The following HCN2 variants were observed in gnomAD, a reference collection of about 807,000 sequenced individuals.
The protein encoded by HCN2 is potassium/sodium hyperpolarization-activated cyclic nucleotide-gated channel 2.
Under a neutral mutation model 52.3 loss-of-function variants are expected in HCN2, and 20 were observed. That is an observed-to-expected ratio of 0.38 (90% CI 0.27 to 0.56). HCN2 has a LOEUF of 0.56. Ranked by LOEUF, HCN2 falls within the 20% of genes least tolerant of loss-of-function variation. HCN2 has a pLI of 0.71. For synonymous variants in HCN2, 694 were observed against 537.0 expected (o/e 1.29, Z -4.04); for missense variants, 981 against 1,207.7 (o/e 0.81, Z 2.78).
intron 4 of HCN2, 144 bp downstream of exon 4, chr19:608,326 T>G: frequency 4.3e-6 from 3 of 704,536 alleles, no homozygotes; most frequent in Non-Finnish European, 4.7e-6. Flanking sequence ...AGGGAGGCCT[T>G]GCCCTGGGGT....
At chr19:614,154 G>A (rs1020283031) in intron 7 of HCN2, 138 bp downstream of exon 7, 13 of 644,980 alleles carry the variant, frequency 2.0e-5, no homozygotes, top group East Asian at 1.6e-4. Context: ...GGGCAGAGAC[G>A]TGGCCAAGGC....
At chr19:597,971 C>T (rs1203381547) in intron 1 of HCN2, among the ~76,000 whole-genome samples, 1 of 152,226 alleles carries the variant, frequency 6.6e-6, no homozygotes, top group African/African-American at 2.4e-5. Context: ...GTGGCCTTCT[C>T]AACTGCTCTT....
At chr19:615,095 G>C (rs1243878336) in intron 7 of HCN2, among the ~76,000 whole-genome samples, 1 of 152,024 alleles carries the variant, frequency 6.6e-6, no homozygotes, top group Admixed American at 6.6e-5. Flanking sequence ...TGTACAGGCA[G>C]GTGTTTTCGG....
chr19:612,768 C>G (rs1176191512), intron 5 of HCN2, among the ~76,000 whole-genome samples: 1 of 149,266 alleles, frequency 6.7e-6, no homozygotes, highest in African/African-American at 2.5e-5. Context: ...TCTTGTTCTG[C>G]GCTCAGGCTG....
intron 1 of HCN2, among the ~76,000 whole-genome samples, chr19:593,959 C>A (rs1339600829): frequency 6.6e-6 from 1 of 152,200 alleles, no homozygotes; most frequent in African/African-American, 2.4e-5. Flanking sequence ...AAGTATAGTT[C>A]ATTCCTACTC....
intron 5 of HCN2, among the ~76,000 whole-genome samples, chr19:612,393 G>GGTGGGGGTGTGTGTGTGTGTGTGT (rs1215986490): frequency 3.5e-5 from 5 of 141,766 alleles, no homozygotes; most frequent in African/African-American, 1.3e-4. Context: ...GCTTTCCACT[G>GGTGGGGGTGTGTGTGTGTGTGTGT]GTGTGTGTGT....
At chr19:611,405 G>T (rs1008597206) in intron 5 of HCN2, among the ~76,000 whole-genome samples, 1 of 152,204 alleles carries the variant, frequency 6.6e-6, no homozygotes, top group African/African-American at 2.4e-5. Context: ...GAGCCAGGCA[G>T]GGTGTCCCCG....
chr19:610,219 C>G (rs200525174), intron 4 of HCN2, 40 bp from the exon 5 acceptor site: 1 of 1,592,956 alleles, frequency 6.3e-7, no homozygotes, highest in Non-Finnish European at 8.5e-7. Context: ...CGCTGCAGGC[C>G]GGGGGCGGTG....
chr19:616,238 C>G lies in HCN2; in HGVS notation c.2434C>G (p.Arg812Gly). 1 of 1,000,574 alleles carries G rather than the reference C, an allele frequency of 1.0e-6. No individual in the cohort carries two copies. The highest frequency in any genetic ancestry group is 1.2e-6 in the Non-Finnish European group (1 of 842,608). 62.0% of individuals were successfully genotyped at this position (1,000,574 alleles called of 1,614,324 possible). A position where few individuals can be genotyped will look rare whatever the true frequency, so the allele number is the denominator to read the frequency against. ...TGCTGGGCCCGCCCTGCCCGCGCGCCGCCTGAGCCGCGCGTCGCGCCCACT... is the reference window on the plus strand; with the variant it reads ...TGCTGGGCCCGCCCTGCCCGCGCGCGGCCTGAGCCGCGCGTCGCGCCCACT... ...PLAGPALPAR[R>G]LSRASRPLSA... The change falls in exon 8 of 8, where the codon CGC becomes GGC. Residue 812 changes from arginine (R) to glycine (G), a missense_variant. Physicochemically the swap from Arg to Gly is moderately radical, Grantham distance 125. Coordinates refer to ENST00000251287, the MANE Select transcript of HCN2 (RefSeq NM_001194.4).
At chr19:607,792 A>G (rs1983470915) in intron 3 of HCN2, among the ~76,000 whole-genome samples, 172 bp from the exon 4 acceptor site, 1 of 152,336 alleles carries the variant, frequency 6.6e-6, no homozygotes, top group South Asian at 2.1e-4. Flanking sequence ...CACTGTGACA[A>G]GTGTGCAAAC....
intron 1 of HCN2, 73 bp from the exon 2 acceptor site, chr19:603,471 A>C: frequency 8.2e-7 from 1 of 1,213,312 alleles, no homozygotes; most frequent in Non-Finnish European, 1.1e-6. Flanking sequence ...CCCCCAAGGA[A>C]GAGTGCCCGG....
At position 616,536 on chromosome 19, in the gene HCN2, G is replaced by A. The variant is rs1377485411; in HGVS notation, c.*62G>A. 1.2e-5 allele frequency: 12 copies of A among 1,027,610 alleles called. No individual in the cohort carries two copies. Among genetic ancestry groups the A allele is most frequent in the African/African-American group, 5.2e-5 (3 of 57,694 alleles). 63.7% of individuals were successfully genotyped at this position (1,027,610 alleles called of 1,614,324 possible). On this transcript the variant is annotated 3_prime_UTR_variant, in exon 8 of 8. Transcript: ENST00000251287. ...GGGCGGGGCCGTCATCCAGACCAAA[G>A]CCATGCCATTGCGCTGCCCCGGCCG... is the stretch of plus-strand genomic sequence containing the variant.
At chr19:614,761 A>C (rs1269676095) in intron 7 of HCN2, among the ~76,000 whole-genome samples, 1 of 152,000 alleles carries the variant, frequency 6.6e-6, no homozygotes, top group African/African-American at 2.4e-5. Context: ...GTCAGATTGT[A>C]TCCGCCAAGG....
At position 613,484 on chromosome 19, in the gene HCN2, C is replaced by A. The variant is rs1410521098; in HGVS notation, c.1821C>A (p.Phe607Leu). 7.3e-7 allele frequency: 1 copy of A among 1,372,228 alleles called. No homozygotes were observed. Among genetic ancestry groups the A allele is most frequent in the Non-Finnish European group, 9.6e-7 (1 of 1,037,894 alleles). 85.0% of individuals were successfully genotyped at this position (1,372,228 alleles called of 1,614,324 possible). The change falls in exon 6 of 8, where the codon TTC (phenylalanine) becomes TTA (leucine). Residue 607 changes from phenylalanine (F) to leucine (L), a missense_variant. Transcript: ENST00000251287. ...KEMKLSDGSY[F>L]GEICLLTRGR... ...TGAAGCTGTCCGATGGCTCCTACTT[C>A]GGGGGTGAGCTTGAGGGGGGCGCGC...
At chr19:594,455 C>T (rs1180474446) in intron 1 of HCN2, among the ~76,000 whole-genome samples, 3 of 152,254 alleles carry the variant, frequency 2.0e-5, no homozygotes, top group South Asian at 2.1e-4. Flanking sequence ...GGGGAGGCCC[C>T]GTGTGAGGGG....
chr19:604,594 CATCCGAGTGGAGA>C, intron 2 of HCN2, among the ~76,000 whole-genome samples: 8 of 74,036 alleles, frequency 1.1e-4, no homozygotes, highest in Admixed American at 3.9e-4. Flanking sequence ...CGGGGTCAGA[CATCCGAGTGGAGA>C]TATGAGGGTT....
intron 1 of HCN2, among the ~76,000 whole-genome samples, chr19:597,056 G>A (rs776658747): frequency 8.5e-5 from 13 of 152,192 alleles, no homozygotes; most frequent in Non-Finnish European, 1.3e-4. Context: ...CGAGGGTTGC[G>A]GCCCCAAGCC....
Position 592,844 on chromosome 19 carries a change from C to T in HCN2, c.632+2267C>T, listed in dbSNP as rs1227112963. 3.3e-5 allele frequency among the ~76,000 whole-genome samples: 5 copies of T among 152,268 alleles called. No individual in the cohort carries two copies. The highest frequency in any genetic ancestry group is 3.4e-3 in the Middle Eastern group (1 of 294). On this transcript the variant is annotated intron_variant, in intron 1 of 7. Coordinates refer to ENST00000251287, the MANE Select transcript of HCN2 (RefSeq NM_001194.4). This position sits in a 1 kb window ranked among gnomAD's most constrained non-coding sequence, Gnocchi z 4.8. ...CCCACAGCAAGCGAAGGGGCCTCTA[C>T]GTTTGCAGCTGACTCAGGAGCCTGG...
intron 3 of HCN2, among the ~76,000 whole-genome samples, chr19:606,185 C>G (rs1983422410): frequency 6.6e-6 from 1 of 152,136 alleles, no homozygotes; most frequent in Non-Finnish European, 1.5e-5. Context: ...CCACAAACCC[C>G]ACCTCCCAGG....
Sources: allele counts gnomAD v4.1 joint callset (sites outside exome capture counted in the v4.1 genomes callset), GRCh38; gene constraint gnomAD v4.1.1; non-coding constraint Gnocchi (gnomAD v3.1); transcripts MANE v1.5; gene names NCBI Gene and HGNC (gene_info 2026-07-23, HGNC 2026-07-21).